CPEB3: variants seen among roughly 807,000 people sequenced by gnomAD.
CPEB3 encodes the protein cytoplasmic polyadenylation element binding protein 3, also known as cytoplasmic polyadenylation element-binding protein 3.
In CPEB3, 20 loss-of-function variants were observed where a neutral mutation model predicts 67.2. That is an observed-to-expected ratio of 0.30 (90% CI 0.21 to 0.43). The LOEUF (loss-of-function observed/expected upper bound fraction) is 0.43, where lower values mean the gene tolerates loss of function less well. Among genes scored for constraint, CPEB3 ranks in the 20% least tolerant of loss-of-function variants. The pLI is 1.00. For synonymous variants in CPEB3, 376 were observed against 393.1 expected (o/e 0.96, Z 0.51); for missense variants, 746 against 968.6 (o/e 0.77, Z 3.05).
At chr10:92,137,650 T>C (rs1590217710) in intron 6 of CPEB3, 2 of 570,818 alleles carry the variant, frequency 3.5e-6, no homozygotes, top group East Asian at 3.0e-5. Flanking sequence ...GTGTGGCTTG[T>C]ATGAAACCCT....
chr10:92,276,179 T>A (rs1180749689), intron 1 of CPEB3, among the ~76,000 whole-genome samples: 2 of 151,920 alleles, frequency 1.3e-5, no homozygotes, highest in Non-Finnish European at 2.9e-5. Context: ...AATATTCCGT[T>A]GTATGGACAT....
At chr10:92,178,010 T>TA (rs1177292252) in intron 4 of CPEB3, among the ~76,000 whole-genome samples, 1 of 152,136 alleles carries the variant, frequency 6.6e-6, no homozygotes, top group African/African-American at 2.4e-5. Flanking sequence ...TTTTCTTTTT[T>TA]AAAAAAATTT....
chr10:92,058,818 A>AG (rs1842220449), intron 9 of CPEB3, among the ~76,000 whole-genome samples: 1 of 152,132 alleles, frequency 6.6e-6, no homozygotes, highest in South Asian at 2.1e-4. Flanking sequence ...TATTGAACAA[A>AG]GGGATCTAAC....
chr10:92,052,717 TAC>T (rs1294267835), intron 9 of CPEB3, among the ~76,000 whole-genome samples: 1 of 152,180 alleles, frequency 6.6e-6, no homozygotes, highest in Admixed American at 6.5e-5. Context: ...ATAAACACAT[TAC>T]ACACACACAT....
rs566830140 is a variant in CPEB3 at position 92,212,950 on chromosome 10, C to G, written c.1006-20314G>C. On this transcript the variant is annotated intron_variant, in intron 2 of 9. Transcript: ENST00000265997. ...AAAAAATTTCAAGTGTTTCTTTTTACTTTTCAAATGTGCCACTAGAAAATT... is the reference window on the plus strand; with the variant it reads ...AAAAAATTTCAAGTGTTTCTTTTTAGTTTTCAAATGTGCCACTAGAAAATT... 2.6e-5 allele frequency among the ~76,000 whole-genome samples: 4 copies of G among 152,188 alleles called. No individual in the cohort carries two copies. The South Asian group carries it at 6.2e-4, about 24-fold the overall frequency.
chr10:92,093,269 A>G (rs558981435), intron 7 of CPEB3, among the ~76,000 whole-genome samples: 21 of 152,250 alleles, frequency 1.4e-4, no homozygotes, highest in South Asian at 8.3e-4. Context: ...ATGAATGACT[A>G]AGATAGAAAA....
intron 4 of CPEB3, among the ~76,000 whole-genome samples, chr10:92,168,157 G>A (rs186583537): frequency 3.3e-5 from 5 of 152,226 alleles, no homozygotes; most frequent in Admixed American, 2.6e-4. Context: ...ATGCCTATAG[G>A]TACTTTTGTG....
At chr10:92,226,178 G>C (rs1011462008) in intron 2 of CPEB3, among the ~76,000 whole-genome samples, 5 of 152,248 alleles carry the variant, frequency 3.3e-5, no homozygotes, top group African/African-American at 4.8e-5. Context: ...TAGTTAACAG[G>C]TATTACTTTC....
chr10:92,106,306 C>T (rs779366245), intron 7 of CPEB3, among the ~76,000 whole-genome samples: 9 of 150,424 alleles, frequency 6.0e-5, no homozygotes, highest in African/African-American at 1.7e-4. Context: ...ACTCACAGTA[C>T]GTTCTGGTTC....
chr10:92,229,248 G>A (rs1289055844), intron 2 of CPEB3, among the ~76,000 whole-genome samples: 1 of 151,746 alleles, frequency 6.6e-6, no homozygotes. Flanking sequence ...TGCCCAAGCT[G>A]GTTTCGAACA....
intron 1 of CPEB3, among the ~76,000 whole-genome samples, chr10:92,288,273 A>G (rs1438538940): frequency 6.6e-6 from 1 of 152,136 alleles, no homozygotes; most frequent in Non-Finnish European, 1.5e-5. Context: ...CAGCCTGGGC[A>G]ACATGGCAAA....
intron 7 of CPEB3, among the ~76,000 whole-genome samples, chr10:92,104,705 G>A (rs1844357758): frequency 6.6e-6 from 1 of 151,750 alleles, no homozygotes; most frequent in South Asian, 2.1e-4. Context: ...ACGTTTTTTA[G>A]ACCTCCCTGA....
rs112207163 is a variant in CPEB3, at chr10:92,078,339, T to A, written c.1869+2981A>T. Among the ~76,000 whole-genome samples the A allele has an allele frequency of 2.3e-3, 348 of 152,242 alleles. 1 individual carries two copies. Among genetic ancestry groups the A allele is most frequent in the African/African-American group, 7.4e-3 (309 of 41,548 alleles). On this transcript the variant is annotated intron_variant, in intron 9 of 9. Transcript: ENST00000265997. ...TATATAATATTAACAAAAATAAATA[T>A]TAAGTACATTTGTAGCAAGATGAAT...
At chr10:92,079,906 A>C (rs1371386821) in intron 9 of CPEB3, among the ~76,000 whole-genome samples, 1 of 152,170 alleles carries the variant, frequency 6.6e-6, no homozygotes, top group Non-Finnish European at 1.5e-5. Context: ...CAGGTGTTCA[A>C]GACTTGGTGC....
At chr10:92,088,788 T>C in intron 8 of CPEB3, among the ~76,000 whole-genome samples, 1 of 152,170 alleles carries the variant, frequency 6.6e-6, no homozygotes, top group Non-Finnish European at 1.5e-5. Flanking sequence ...CCATATCTAG[T>C]CCAGGATCAG....
At chr10:92,270,860 G>A (rs938020188) in intron 1 of CPEB3, among the ~76,000 whole-genome samples, 6 of 151,810 alleles carry the variant, frequency 4.0e-5, no homozygotes, top group African/African-American at 9.7e-5. Flanking sequence ...GTGCACCACC[G>A]GGTCTGACCC....
intron 8 of CPEB3, among the ~76,000 whole-genome samples, chr10:92,091,513 A>G (rs1843617959): frequency 6.6e-6 from 1 of 152,150 alleles, no homozygotes; most frequent in Admixed American, 6.5e-5. Context: ...GTCATACATA[A>G]CAATGCTGAC....
chr10:92,191,403 T>A (rs12269657), intron 3 of CPEB3, among the ~76,000 whole-genome samples: 3 of 150,496 alleles, frequency 2.0e-5, no homozygotes, highest in African/African-American at 7.4e-5. Context: ...ATAAAAAAAA[T>A]AAAAAATAAA....
intron 4 of CPEB3, among the ~76,000 whole-genome samples, chr10:92,180,194 G>C (rs534839291): frequency 7.0e-6 from 1 of 142,100 alleles, no homozygotes; most frequent in South Asian, 2.1e-4. Flanking sequence ...TGACTTTCCA[G>C]TTAGTAAGTT....
Sources: gnomAD v4.1 joint callset for allele counts (sites outside exome capture counted in the v4.1 genomes callset) on GRCh38, gnomAD v4.1.1 for gene constraint, MANE v1.5 for transcripts, NCBI Gene and HGNC (gene_info 2026-07-23, HGNC 2026-07-21) for gene names.